NTM: variants seen among roughly 807,000 people sequenced by gnomAD.
The protein encoded by NTM is IgLON family member 2.
In NTM, 13 loss-of-function variants were observed where a neutral mutation model predicts 42.1. The ratio of observed to expected loss-of-function variants is 0.31; its 90% CI spans 0.20 to 0.49. The LOEUF (loss-of-function observed/expected upper bound fraction) is 0.49, where lower values mean the gene tolerates loss of function less well. NTM is among the 20% of genes least tolerant of loss of function. The pLI, the probability that NTM is intolerant of heterozygous loss-of-function variation, is 0.99. For missense variants in NTM, 373 were observed against 452.8 expected (o/e 0.82, Z 1.60); for synonymous variants, 187 against 179.2 (o/e 1.04, Z -0.35).
intron 4 of NTM, among the ~76,000 whole-genome samples, chr11:132,259,900 C>T (rs1333338950): frequency 6.6e-6 from 1 of 151,844 alleles, no homozygotes; most frequent in Non-Finnish European, 1.5e-5. Context: ...AGGAGTGCAC[C>T]ACCATGCCTA....
intron 1 of NTM, among the ~76,000 whole-genome samples, chr11:131,410,709 T>A (rs953193556): frequency 1.5e-4 from 23 of 152,174 alleles, no homozygotes; most frequent in African/African-American, 5.6e-4. Flanking sequence ...TTTTCTTTAT[T>A]TCTGATTACG....
intron 1 of NTM, among the ~76,000 whole-genome samples, chr11:131,735,719 C>T (rs1232697201): frequency 6.6e-6 from 1 of 152,170 alleles, no homozygotes; most frequent in Non-Finnish European, 1.5e-5. Flanking sequence ...TTAGCTCAGT[C>T]GCTCTTTCCA....
At chr11:131,418,880 C>T (rs1947220808) in intron 1 of NTM, among the ~76,000 whole-genome samples, 1 of 152,186 alleles carries the variant, frequency 6.6e-6, no homozygotes, top group Admixed American at 6.5e-5. Flanking sequence ...CACACCAAAT[C>T]TCCTATGCAT....
At chr11:131,605,855 T>C in intron 1 of NTM, 15 of 984,136 alleles carry the variant, frequency 1.5e-5, no homozygotes, top group Non-Finnish European at 1.8e-5. Context: ...CTTCTTGGAC[T>C]ATCTCACCTG....
intron 2 of NTM, among the ~76,000 whole-genome samples, chr11:131,979,139 T>C (rs916851864): frequency 3.9e-5 from 6 of 152,156 alleles, no homozygotes; most frequent in East Asian, 1.9e-4. Flanking sequence ...TATTTCCACA[T>C]GTCTGTGGGC....
chr11:132,001,234 G>C (rs1477062391), intron 2 of NTM, among the ~76,000 whole-genome samples: 2 of 152,200 alleles, frequency 1.3e-5, no homozygotes, highest in Non-Finnish European at 2.9e-5. Flanking sequence ...GTGTACAAGA[G>C]TATACTGGGT....
At chr11:132,253,383 C>T (rs1390723868) in intron 4 of NTM, among the ~76,000 whole-genome samples, 1 of 152,178 alleles carries the variant, frequency 6.6e-6, no homozygotes, top group Non-Finnish European at 1.5e-5. Context: ...GGATTTCATC[C>T]AAGGTCTGGC....
chr11:131,985,741 G>A (rs754216669), intron 2 of NTM, among the ~76,000 whole-genome samples: 3 of 152,172 alleles, frequency 2.0e-5, no homozygotes, highest in Admixed American at 6.5e-5. Flanking sequence ...ACAGTGTCAC[G>A]TAATTGTAAG....
chr11:131,401,831 T>C (rs1350247245), intron 1 of NTM, among the ~76,000 whole-genome samples: 3 of 94,034 alleles, frequency 3.2e-5, no homozygotes, highest in Admixed American at 1.0e-4. Context: ...TATATATATA[T>C]ATATATATAT....
At chr11:131,929,734 C>T (rs2058388734) in intron 2 of NTM, among the ~76,000 whole-genome samples, 2 of 152,232 alleles carry the variant, frequency 1.3e-5, no homozygotes, top group Admixed American at 6.5e-5. Flanking sequence ...ATGGTCATAT[C>T]GTGAAGGTTT....
chr11:131,576,015 A>C (rs1238535947), intron 1 of NTM, among the ~76,000 whole-genome samples: 4 of 152,164 alleles, frequency 2.6e-5, no homozygotes, highest in Non-Finnish European at 5.9e-5. Context: ...TTCGTGCTCA[A>C]TAGGCAATAG....
At chr11:132,328,671 G>A (rs1430414418) in intron 7 of NTM, among the ~76,000 whole-genome samples, 2 of 151,998 alleles carry the variant, frequency 1.3e-5, no homozygotes, top group African/African-American at 4.8e-5. Flanking sequence ...TTGTGGTTTG[G>A]GGGTAAAAGT....
At chr11:131,992,995 G>T (rs1463717177) in intron 2 of NTM, among the ~76,000 whole-genome samples, 1 of 152,070 alleles carries the variant, frequency 6.6e-6, no homozygotes, top group East Asian at 1.9e-4. Context: ...GTACTTCTGG[G>T]GGTTTACCCA....
chr11:132,045,091 G>T (rs2077802808), intron 2 of NTM, among the ~76,000 whole-genome samples: 1 of 152,144 alleles, frequency 6.6e-6, no homozygotes, highest in Non-Finnish European at 1.5e-5. Context: ...AAAATGTCAG[G>T]CCAATATCCT....
rs1420900150 is a variant in NTM, at chr11:132,084,150, C to A, written c.168-62132C>A. On this transcript the variant is annotated intron_variant, in intron 2 of 8. Coordinates refer to ENST00000683400, the MANE Select transcript of NTM (RefSeq NM_001352005.2). The stretch of plus-strand genomic sequence containing the variant: ...AAAATTATCAGAAAACTGCATTTGA[C>A]AGCACCTGTCAAATTCATGTAGCTG... 3.9e-5 allele frequency among the ~76,000 whole-genome samples: 6 copies of A among 152,206 alleles called. No homozygotes were observed. In the East Asian group the frequency reaches 1.2e-3, roughly 29 times the overall value.
chr11:131,372,525 G>T (rs1232733196), intron 1 of NTM, among the ~76,000 whole-genome samples: 8 of 152,102 alleles, frequency 5.3e-5, no homozygotes, highest in Admixed American at 5.2e-4. Flanking sequence ...CTGAGTTCAG[G>T]ATCGGGCAGT....
chr11:132,158,298 T>C (rs1445933646), intron 3 of NTM, among the ~76,000 whole-genome samples: 1 of 152,242 alleles, frequency 6.6e-6, no homozygotes, highest in Non-Finnish European at 1.5e-5. Context: ...CTCCCTCTGC[T>C]GGTGCCCATG....
intron 1 of NTM, among the ~76,000 whole-genome samples, chr11:131,712,776 G>T (rs980805393): frequency 2.6e-5 from 4 of 151,950 alleles, no homozygotes; most frequent in Admixed American, 2.6e-4. Context: ...TAGAGACGGG[G>T]TTTTTCCATG....
intron 1 of NTM, among the ~76,000 whole-genome samples, chr11:131,836,429 A>G (rs1391033834): frequency 2.0e-5 from 3 of 152,200 alleles, no homozygotes; most frequent in African/African-American, 7.2e-5. Context: ...TTGTATATGT[A>G]ATTGTGTAGC....
Sources: gnomAD v4.1 joint callset for allele counts (sites outside exome capture counted in the v4.1 genomes callset) on GRCh38, gnomAD v4.1.1 for gene constraint, MANE v1.5 for transcripts, NCBI Gene and HGNC (gene_info 2026-07-23, HGNC 2026-07-21) for gene names.